The following SEMA5A variants were observed in gnomAD, a reference collection of about 807,000 sequenced individuals.
SEMA5A encodes the protein semaphorin 5A.
SEMA5A carries 55 observed loss-of-function variants against 135.5 expected under a neutral mutation model. The observed-to-expected ratio is 0.41, with a 90% CI of 0.33 to 0.51. SEMA5A has a LOEUF of 0.51. SEMA5A is among the 20% of genes least tolerant of loss of function. The pLI is 0.37. For missense variants in SEMA5A, 1,290 were observed against 1,419.9 expected (o/e 0.91, Z 1.47); for synonymous variants, 580 against 546.5 (o/e 1.06, Z -0.85).
At chr5:9,445,844 C>G (rs867605385) in intron 1 of SEMA5A, among the ~76,000 whole-genome samples, 2 of 152,180 alleles carry the variant, frequency 1.3e-5, no homozygotes, top group South Asian at 4.1e-4. Context: ...ATATCTGGCT[C>G]TATGACTGGC....
chr5:9,523,914 T>C (rs1293052663), intron 1 of SEMA5A, among the ~76,000 whole-genome samples: 2 of 145,594 alleles, frequency 1.4e-5, no homozygotes, highest in African/African-American at 2.6e-5. Context: ...CACTATGTTA[T>C]AGAGCTTTTG....
intron 13 of SEMA5A, among the ~76,000 whole-genome samples, chr5:9,125,466 G>A (rs1037763247): frequency 6.6e-6 from 1 of 152,010 alleles, no homozygotes; most frequent in African/African-American, 2.4e-5. Context: ...CATGCATTAG[G>A]TATTTGTCCT....
chr5:9,128,580 C>T (rs1055343644), intron 13 of SEMA5A, among the ~76,000 whole-genome samples: 5 of 152,062 alleles, frequency 3.3e-5, no homozygotes, highest in Admixed American at 1.3e-4. Flanking sequence ...TGCTGCCTCA[C>T]GATATACCAC....
chr5:9,496,216 T>C (rs1735293880), intron 1 of SEMA5A, among the ~76,000 whole-genome samples: 1 of 152,124 alleles, frequency 6.6e-6, no homozygotes, highest in East Asian at 1.9e-4. Context: ...GGCTAACTTT[T>C]GTGTTTTTAG....
intron 5 of SEMA5A, among the ~76,000 whole-genome samples, chr5:9,305,708 G>GTATATATATATATATATATA (rs146829804): frequency 7.2e-6 from 1 of 139,226 alleles, no homozygotes; most frequent in African/African-American, 2.8e-5. Context: ...GTGTGTGTGC[G>GTATATATATATATATATATA]TATATATATA....
intron 19 of SEMA5A, among the ~76,000 whole-genome samples, chr5:9,052,499 C>A (rs909432488): frequency 1.1e-4 from 16 of 152,170 alleles, no homozygotes; most frequent in African/African-American, 3.9e-4. Context: ...TAATTGTGTG[C>A]TCATGAGAGT....
rs182580890 is a variant in SEMA5A, at chr5:9,265,734, T to C, written c.271-27844A>G. Among the ~76,000 whole-genome samples, 6 of 152,306 alleles carry C rather than the reference T, an allele frequency of 3.9e-5. No homozygotes were observed. In the East Asian group the frequency reaches 9.7e-4, roughly 25 times the overall value. On this transcript the variant is annotated intron_variant, in intron 5 of 22. Transcript: ENST00000382496. Reference sequence around the variant, plus strand: ...TCAAGTGAGCTGTCCACTTAGCGTCTGTTTAGGCCACTGCAAGGCTGCTTT... The same window carrying C: ...TCAAGTGAGCTGTCCACTTAGCGTCCGTTTAGGCCACTGCAAGGCTGCTTT...
chr5:9,132,420 T>C (rs1211502379), intron 13 of SEMA5A, among the ~76,000 whole-genome samples: 1 of 151,992 alleles, frequency 6.6e-6, no homozygotes, highest in Non-Finnish European at 1.5e-5. Flanking sequence ...TTATAAAGAG[T>C]TGTGACAAAG....
chr5:9,146,322 T>C (rs984322863), intron 12 of SEMA5A, among the ~76,000 whole-genome samples: 7 of 152,204 alleles, frequency 4.6e-5, no homozygotes, highest in African/African-American at 1.7e-4. Flanking sequence ...AAAACAGATT[T>C]AATGGTGGCA....
Position 9,108,124 on chromosome 5 carries a change from G to A in SEMA5A, c.2073+16C>T. 6.2e-7 allele frequency: 1 copy of A among 1,611,950 alleles called. No individual in the cohort carries two copies. The highest frequency in any genetic ancestry group is 8.5e-7 in the Non-Finnish European group (1 of 1,178,708). On this transcript the variant is annotated intron_variant, in intron 16 of 22. Transcript: ENST00000382496. ...GTTCTGGATTGTGGGCTGGGTGTGA[G>A]AAGAAGGCTACTCACCACATTGCAG... is the stretch of plus-strand genomic sequence containing the variant.
At chr5:9,237,915 C>A in intron 5 of SEMA5A, 25 bp from the exon 6 acceptor site, 1 of 1,609,656 alleles carries the variant, frequency 6.2e-7, no homozygotes, top group Non-Finnish European at 8.5e-7. Flanking sequence ...AAAACAATAG[C>A]AGTCATGGTT....
chr5:9,123,762 T>C (rs1015443693), intron 13 of SEMA5A, among the ~76,000 whole-genome samples: 1 of 152,178 alleles, frequency 6.6e-6, no homozygotes, highest in African/African-American at 2.4e-5. Flanking sequence ...CTGCAGCGCT[T>C]CTCTTTGTTA....
At position 9,215,125 on chromosome 5, in the gene SEMA5A, T is replaced by A. The variant is rs3026328; in HGVS notation, c.646+9549A>T. ...GGGCAAAGCAGACAGGAGATCACCA[T>A]CCCTACCTCAGGACTCATGACTCTC... On this transcript the variant is annotated intron_variant, in intron 8 of 22. Coordinates refer to ENST00000382496, the MANE Select transcript of SEMA5A (RefSeq NM_003966.3). Among the ~76,000 whole-genome samples the A allele has an allele frequency of 1.3e-3, 197 of 152,120 alleles. 5 individuals carry two copies. In the East Asian group the frequency reaches 0.034, roughly 26 times the overall value.
chr5:9,316,005 C>T (rs1044418633), intron 5 of SEMA5A, among the ~76,000 whole-genome samples: 2 of 152,152 alleles, frequency 1.3e-5, no homozygotes, highest in African/African-American at 4.8e-5. Flanking sequence ...GTTGCCAAAT[C>T]ATAATCTCCT....
chr5:9,302,897 C>A (rs528318372), intron 5 of SEMA5A, among the ~76,000 whole-genome samples: 4 of 152,154 alleles, frequency 2.6e-5, no homozygotes, highest in South Asian at 4.2e-4. Flanking sequence ...TTTAATTTTG[C>A]CTGTTTTCTT....
chr5:9,306,708 G>T (rs1385976478), intron 5 of SEMA5A, among the ~76,000 whole-genome samples: 1 of 152,110 alleles, frequency 6.6e-6, no homozygotes, highest in Non-Finnish European at 1.5e-5. Flanking sequence ...CCTCACAATA[G>T]CCAGGGATAG....
At chr5:9,419,081 G>C (rs922114770) in intron 2 of SEMA5A, among the ~76,000 whole-genome samples, 2 of 140,310 alleles carry the variant, frequency 1.4e-5, no homozygotes, top group Admixed American at 7.0e-5. Flanking sequence ...CGTATTCATT[G>C]ATTTCAAGCA....
chr5:9,188,424 T>C (rs1357903316), intron 11 of SEMA5A, among the ~76,000 whole-genome samples: 1 of 152,188 alleles, frequency 6.6e-6, no homozygotes, highest in East Asian at 1.9e-4. Flanking sequence ...CAGTTCATTA[T>C]AAACACAAGA....
intron 3 of SEMA5A, among the ~76,000 whole-genome samples, chr5:9,355,723 T>C (rs1025349816): frequency 2.0e-5 from 3 of 152,134 alleles, no homozygotes; most frequent in Non-Finnish European, 2.9e-5. Context: ...TGTCATTTAA[T>C]ACGGTGCTAG....
Sources: allele counts gnomAD v4.1 joint callset (sites outside exome capture counted in the v4.1 genomes callset), GRCh38; gene constraint gnomAD v4.1.1; transcripts MANE v1.5; gene names NCBI Gene and HGNC (gene_info 2026-07-23, HGNC 2026-07-21).